Variants in SYN2 observed in about 807,000 individuals in gnomAD.
SYN2 encodes synapsin-2.
A neutral mutation model predicts 50.9 loss-of-function variants in SYN2; 19 were observed. The ratio of observed to expected loss-of-function variants is 0.37; its 90% CI spans 0.26 to 0.55. The LOEUF is 0.55. Among genes scored for constraint, SYN2 ranks in the 20% least tolerant of loss-of-function variants. The pLI is 0.81. For synonymous variants in SYN2, 255 were observed against 224.9 expected, an observed-to-expected ratio of 1.13 and a Z score of -1.20; for missense variants, 587 against 576.4, an observed-to-expected ratio of 1.02 and a Z score of -0.19.
At chr3:12,076,352 C>A (rs1695467346) in intron 1 of SYN2, among the ~76,000 whole-genome samples, 1 of 151,988 alleles carries the variant, frequency 6.6e-6, no homozygotes, top group African/African-American at 2.4e-5. Context: ...TGTTTTAGTA[C>A]ATAAAGTAAT....
At chr3:12,110,378 C>G (rs1021481969) in intron 1 of SYN2, among the ~76,000 whole-genome samples, 1 of 152,148 alleles carries the variant, frequency 6.6e-6, no homozygotes, top group Non-Finnish European at 1.5e-5. Context: ...CATTGAGTGC[C>G]TGAAGCTTTT....
At chr3:12,023,994 A>G (rs927868964) in intron 1 of SYN2, among the ~76,000 whole-genome samples, 2 of 152,130 alleles carry the variant, frequency 1.3e-5, no homozygotes, top group Admixed American at 6.6e-5. Context: ...AGACTTTTAA[A>G]AAATCAAAGT....
intron 1 of SYN2, among the ~76,000 whole-genome samples, chr3:12,125,852 A>G (rs1696656570): frequency 6.6e-6 from 1 of 151,770 alleles, no homozygotes; most frequent in African/African-American, 2.4e-5. Flanking sequence ...GAAAAAAAAA[A>G]AAAAACCCAC....
chr3:12,040,430 CTT>C (rs34991752), intron 1 of SYN2, among the ~76,000 whole-genome samples: 17,348 of 109,402 alleles, frequency 0.16, 1,560 homozygotes, highest in East Asian at 0.48. Context: ...AGTTCTGTTT[CTT>C]TTTTTTTTTT....
chr3:12,013,596 G>T (rs375479211), intron 1 of SYN2, among the ~76,000 whole-genome samples: 1 of 151,904 alleles, frequency 6.6e-6, no homozygotes, highest in African/African-American at 2.4e-5. Flanking sequence ...TCCTATTCCA[G>T]CTCTTCTATT....
chr3:12,035,336 A>G (rs1440244314), intron 1 of SYN2, among the ~76,000 whole-genome samples: 1 of 152,208 alleles, frequency 6.6e-6, no homozygotes, highest in Non-Finnish European at 1.5e-5. Flanking sequence ...CTCTCAGGCC[A>G]GAGTTGCACA....
At chr3:12,021,368 C>T (rs1694131171) in intron 1 of SYN2, among the ~76,000 whole-genome samples, 1 of 152,152 alleles carries the variant, frequency 6.6e-6, no homozygotes, top group Non-Finnish European at 1.5e-5. Flanking sequence ...CTTTGCAGCA[C>T]ATGGTATTAT....
chr3:12,159,916 A>G (rs1697599054), intron 5 of SYN2, among the ~76,000 whole-genome samples: 1 of 151,834 alleles, frequency 6.6e-6, no homozygotes, highest in South Asian at 2.1e-4. Flanking sequence ...GGTGGCCTAC[A>G]CCTGTAGTCC....
chr3:12,056,576 C>T (rs1161320012), intron 1 of SYN2, among the ~76,000 whole-genome samples: 1 of 152,098 alleles, frequency 6.6e-6, no homozygotes, highest in Admixed American at 6.5e-5. Flanking sequence ...ATATTTTTGC[C>T]TAAGGTATAC....
At chr3:12,190,374 C>G (rs574764799) in intron 12 of SYN2, 116 bp from the exon 13 acceptor site, 3 of 1,214,312 alleles carry the variant, frequency 2.5e-6, no homozygotes, top group African/African-American at 3.0e-5. Flanking sequence ...TCCTCCATCA[C>G]CTTGGTTTCC....
At chr3:12,086,369 G>A (rs886671739) in intron 1 of SYN2, among the ~76,000 whole-genome samples, 2 of 152,042 alleles carry the variant, frequency 1.3e-5, no homozygotes, top group African/African-American at 4.8e-5. Flanking sequence ...CGTTTTACAA[G>A]ACCAGCATTA....
At chr3:12,186,808 A>T (rs553540759) in intron 11 of SYN2, among the ~76,000 whole-genome samples, 24 of 152,276 alleles carry the variant, frequency 1.6e-4, no homozygotes, top group African/African-American at 5.3e-4. Context: ...GCTCAACCCT[A>T]TTATCTTTGA....
At chr3:12,069,708 A>G (rs1695300692) in intron 1 of SYN2, among the ~76,000 whole-genome samples, 1 of 152,098 alleles carries the variant, frequency 6.6e-6, no homozygotes, top group Non-Finnish European at 1.5e-5. Context: ...CAGTTTCTCC[A>G]CATCACATCC....
Position 12,162,080 on chromosome 3 carries a change from C to T in SYN2, c.906C>T (p.Ala302=), listed in dbSNP as rs763585721. The T allele has an allele frequency of 3.0e-5, 49 of 1,614,100 alleles. No homozygotes were observed. The highest frequency in any genetic ancestry group is 4.2e-5 in the Non-Finnish European group (49 of 1,179,958). Residue 302 remains alanine (A), a synonymous_variant, in exon 7 of 13, where the codon GCC becomes GCT. Transcript: ENST00000621198. ...TGGTGGCTCTCACCCAGACCTATGC[C>T]ACTGCAGAGCCTTTCATTGACTCCA... ...ASVVALTQTY[A]TAEPFIDSKY...
intron 4 of SYN2, among the ~76,000 whole-genome samples, chr3:12,148,127 A>G (rs1419840862): frequency 6.6e-6 from 1 of 151,776 alleles, no homozygotes; most frequent in Non-Finnish European, 1.5e-5. Flanking sequence ...AAAAAAAAAG[A>G]AATGTGTTCC....
chr3:12,116,724 T>C (rs534368053), intron 1 of SYN2, among the ~76,000 whole-genome samples: 138 of 152,276 alleles, frequency 9.1e-4, no homozygotes, highest in African/African-American at 3.2e-3. Context: ...GGCTGTGAGC[T>C]CTAAAATCTA....
chr3:12,162,275 G>C, intron 7 of SYN2, 121 bp downstream of exon 7: 1 of 1,313,234 alleles, frequency 7.6e-7, no homozygotes, highest in African/African-American at 1.5e-5. Context: ...TTTTACCTGG[G>C]TTCCTTTTAA....
intron 11 of SYN2, among the ~76,000 whole-genome samples, chr3:12,186,730 C>T (rs956998277): frequency 1.3e-5 from 2 of 152,102 alleles, no homozygotes; most frequent in Non-Finnish European, 2.9e-5. Context: ...AAGGGCAGCT[C>T]CATAAAACAG....
At chr3:12,169,952 A>C in intron 10 of SYN2, 46 bp downstream of exon 10, 1 of 1,555,418 alleles carries the variant, frequency 6.4e-7, no homozygotes, top group Non-Finnish European at 8.7e-7. Context: ...ACCATTCCCA[A>C]GCCCACTCCT....
Sources: allele counts gnomAD v4.1 joint callset (sites outside exome capture counted in the v4.1 genomes callset), GRCh38; gene constraint gnomAD v4.1.1; transcripts MANE v1.5; gene names NCBI Gene and HGNC (gene_info 2026-07-23, HGNC 2026-07-21).